The following PCDH15 variants were observed in gnomAD, a reference collection of about 807,000 sequenced individuals.
The protein encoded by PCDH15 is protocadherin related 15, also known as protocadherin-15.
In PCDH15, 129 loss-of-function variants were observed where a neutral mutation model predicts 178.5. The observed-to-expected ratio is 0.72, with a 90% CI of 0.63 to 0.84. The LOEUF (loss-of-function observed/expected upper bound fraction) is 0.84. PCDH15 is among the 40% of genes least tolerant of loss of function. PCDH15 has a pLI of 0.00. For synonymous variants in PCDH15, 800 were observed against 732.0 expected, an observed-to-expected ratio of 1.09 and a Z score of -1.50; for missense variants, 2,230 against 2,099.9, an observed-to-expected ratio of 1.06 and a Z score of -1.21.
At chr10:54,926,604 G>A (rs1028611562) in intron 2 of PCDH15, among the ~76,000 whole-genome samples, 1 of 151,730 alleles carries the variant, frequency 6.6e-6, no homozygotes, top group African/African-American at 2.4e-5. Context: ...TAGATTTGTA[G>A]GCTATTTATA....
chr10:54,073,433 C>G (rs2094284173), intron 17 of PCDH15, among the ~76,000 whole-genome samples: 1 of 152,038 alleles, frequency 6.6e-6, no homozygotes, highest in South Asian at 2.1e-4. Context: ...CACACATTTT[C>G]TCACGCATGT....
intron 2 of PCDH15, among the ~76,000 whole-genome samples, chr10:55,122,850 A>C (rs935754495): frequency 6.6e-6 from 1 of 152,162 alleles, no homozygotes; most frequent in Admixed American, 6.6e-5. Flanking sequence ...TTAACAGAGT[A>C]ACTCAAATTC....
chr10:54,853,525 G>A (rs1953682263), intron 3 of PCDH15, among the ~76,000 whole-genome samples: 2 of 149,148 alleles, frequency 1.3e-5, no homozygotes, highest in African/African-American at 4.9e-5. Flanking sequence ...GCCATGTTGA[G>A]TTTGTAGAAG....
chr10:55,559,645 G>A (rs1340886188), intron 2 of PCDH15, among the ~76,000 whole-genome samples: 1 of 151,710 alleles, frequency 6.6e-6, no homozygotes, highest in Non-Finnish European at 1.5e-5. Flanking sequence ...CCATGTTAAT[G>A]CAATACAAAT....
chr10:54,860,455 T>G lies in PCDH15; in HGVS notation c.-29+36995A>C, dbSNP rs149641422. Among the ~76,000 whole-genome samples the G allele has an allele frequency of 6.6e-5, 10 of 152,288 alleles. No homozygotes were observed. The East Asian group carries it at 1.7e-3, about 26-fold the overall frequency. ...CTTATGACAATGGCCTCCAGCTCCA[T>G]CCATGTTACTGCAAAGCACATGCTT... is the stretch of plus-strand genomic sequence containing the variant. On this transcript the variant is annotated intron_variant, in intron 3 of 5. Coordinates refer to the PCDH15 transcript ENST00000458638.
chr10:54,419,802 T>C (rs939738163), intron 3 of PCDH15, among the ~76,000 whole-genome samples: 14 of 152,054 alleles, frequency 9.2e-5, no homozygotes, highest in Non-Finnish European at 2.9e-5. Context: ...ATTTAAAATA[T>C]ACTAAAAGCA....
At chr10:55,564,864 A>G (rs1174650702) in intron 2 of PCDH15, among the ~76,000 whole-genome samples, 1 of 151,750 alleles carries the variant, frequency 6.6e-6, no homozygotes, top group Admixed American at 6.6e-5. Flanking sequence ...AAATTTTGAT[A>G]TAAATGAAGG....
chr10:54,155,187 G>T (rs1330691074), intron 13 of PCDH15, among the ~76,000 whole-genome samples: 2 of 152,184 alleles, frequency 1.3e-5, no homozygotes, highest in Middle Eastern at 3.2e-3. Context: ...GTGCTTCAGG[G>T]ATGTCAGCAT....
chr10:54,972,767 T>C (rs1354753743), intron 2 of PCDH15, among the ~76,000 whole-genome samples: 1 of 145,498 alleles, frequency 6.9e-6, no homozygotes, highest in Non-Finnish European at 1.5e-5. Flanking sequence ...GAGAATCACT[T>C]GAACCCAGGA....
intron 13 of PCDH15, among the ~76,000 whole-genome samples, chr10:54,181,082 C>T (rs1176353700): frequency 6.6e-6 from 1 of 152,112 alleles, no homozygotes; most frequent in Non-Finnish European, 1.5e-5. Context: ...TCTGTGTAAA[C>T]TTACTTTCAT....
intron 2 of PCDH15, among the ~76,000 whole-genome samples, chr10:55,162,983 C>T (rs190990531): frequency 5.8e-4 from 88 of 152,270 alleles, no homozygotes; most frequent in East Asian, 2.5e-3. Flanking sequence ...GGTGGTTCTA[C>T]AGACTTTTGC....
At chr10:54,893,762 A>G (rs907081775) in intron 3 of PCDH15, among the ~76,000 whole-genome samples, 2 of 152,172 alleles carry the variant, frequency 1.3e-5, no homozygotes, top group Admixed American at 6.5e-5. Context: ...TATGACAGAT[A>G]AAACTGTTAT....
chr10:54,634,474 G>A (rs1384695583), intron 2 of PCDH15, among the ~76,000 whole-genome samples: 1 of 151,816 alleles, frequency 6.6e-6, no homozygotes, highest in Non-Finnish European at 1.5e-5. Flanking sequence ...TAAGTCTCTG[G>A]ACTTACTGTA....
chr10:54,572,373 C>A (rs1397249991), intron 2 of PCDH15, among the ~76,000 whole-genome samples: 1 of 152,048 alleles, frequency 6.6e-6, no homozygotes, highest in South Asian at 2.1e-4. Context: ...AAAGAGCTGA[C>A]TCCACCTTGA....
Position 55,574,532 on chromosome 10 carries a change from G to A in PCDH15, c.-156+53093C>T, listed in dbSNP as rs111728958. Among the ~76,000 whole-genome samples the A allele has an allele frequency of 9.9e-3, 1,502 of 152,104 alleles. 32 individuals are homozygous for A. Among genetic ancestry groups the A allele is most frequent in the African/African-American group, 0.035 (1,440 of 41,528 alleles). ...GGCAACATGAAGGATAATGTAGGTAGGCAGTGGGGAATATTTTATTTTCCC... is the reference window on the plus strand; with the variant it reads ...GGCAACATGAAGGATAATGTAGGTAAGCAGTGGGGAATATTTTATTTTCCC... On this transcript the variant is annotated intron_variant, in intron 2 of 5. Transcript: ENST00000613346.
intron 1 of PCDH15, among the ~76,000 whole-genome samples, chr10:55,196,734 T>G (rs910583477): frequency 6.6e-6 from 1 of 152,190 alleles, no homozygotes; most frequent in East Asian, 1.9e-4. Flanking sequence ...AGAAAAATAC[T>G]ATTTATGTAA....
chr10:55,004,749 C>T (rs570109430), intron 2 of PCDH15, among the ~76,000 whole-genome samples: 3 of 152,308 alleles, frequency 2.0e-5, no homozygotes, highest in Non-Finnish European at 4.4e-5. Context: ...TAACAACACT[C>T]ATCTTAATGA....
intron 2 of PCDH15, among the ~76,000 whole-genome samples, chr10:55,627,429 G>C (rs1837554947): frequency 6.6e-6 from 1 of 152,034 alleles, no homozygotes; most frequent in African/African-American, 2.4e-5. Context: ...TGTAAGGAGC[G>C]AGACATTCAG....
intron 4 of PCDH15, among the ~76,000 whole-genome samples, chr10:54,378,309 AT>A (rs56244838): frequency 0.38 from 57,395 of 150,038 alleles, 12,252 homozygotes; most frequent in Non-Finnish European, 0.5. Flanking sequence ...ACTTTTTCTC[AT>A]TTTTTTTTTC....
Sources: gnomAD v4.1 joint callset for allele counts (sites outside exome capture counted in the v4.1 genomes callset) on GRCh38, gnomAD v4.1.1 for gene constraint, MANE v1.5 for transcripts, NCBI Gene and HGNC (gene_info 2026-07-23, HGNC 2026-07-21) for gene names.